The following RFX1 variants were observed in gnomAD, a reference collection of about 807,000 sequenced individuals.
RFX1 encodes regulatory factor X1, also known as MHC class II regulatory factor RFX1.
Under a neutral mutation model 119.6 loss-of-function variants are expected in RFX1, and 42 were observed. The observed-to-expected ratio is 0.35, with a 90% CI of 0.27 to 0.45. The LOEUF (loss-of-function observed/expected upper bound fraction) is 0.45, where lower values mean the gene tolerates loss of function less well. Ranked by LOEUF, RFX1 falls within the 20% of genes least tolerant of loss-of-function variation. The pLI is 1.00. For synonymous variants in RFX1, 628 were observed against 618.5 expected (o/e 1.02, Z -0.23); for missense variants, 1,118 against 1,368.1 (o/e 0.82, Z 2.88).
intron 2 of RFX1, among the ~76,000 whole-genome samples, chr19:13,984,509 T>C (rs779948933): frequency 2.0e-5 from 3 of 152,098 alleles, no homozygotes; most frequent in Non-Finnish European, 4.4e-5. Flanking sequence ...TTCATGCACA[T>C]CTTGCTGAGT....
chr19:13,987,929 C>T (rs1974659636), intron 2 of RFX1, among the ~76,000 whole-genome samples: 1 of 152,124 alleles, frequency 6.6e-6, no homozygotes, highest in Admixed American at 6.5e-5. Flanking sequence ...AGACAGAGGC[C>T]ACCTCCCCAT....
rs1401797290 is a variant in RFX1 at position 13,985,300 on chromosome 19, C to G, written c.320-1705G>C. Among the ~76,000 whole-genome samples, 1 of 152,096 alleles carries G rather than the reference C, an allele frequency of 6.6e-6. No individual in the cohort carries two copies. The highest frequency in any genetic ancestry group is 2.4e-5 in the African/African-American group (1 of 41,400). On this transcript the variant is annotated intron_variant, in intron 2 of 20. Transcript: ENST00000254325. This position sits in a 1 kb window ranked among gnomAD's most constrained non-coding sequence, Gnocchi z 4.3. Reference sequence around the variant, plus strand: ...CAAGTGATTCTCCTGCCTCAACCCACTGAGTAGCTAGGACTGCAGGCACCC... The same window carrying G: ...CAAGTGATTCTCCTGCCTCAACCCAGTGAGTAGCTAGGACTGCAGGCACCC...
At position 13,973,084 on chromosome 19, in the gene RFX1, G is replaced by C. The variant is rs367733057; in HGVS notation, c.973C>G (p.Gln325Glu). 4.9e-5 allele frequency: 79 copies of C among 1,601,088 alleles called. No individual in the cohort carries two copies. Among genetic ancestry groups the C allele is most frequent in the Non-Finnish European group, 3.1e-5 (36 of 1,179,882 alleles). ...TCGTAGTAGCTGGTGCTTGCCGTCT[G>C]CGTGTACAGCGGCGTCTCGGGATAG... ...YSYPETPLYT[Q>E]TASTSYYEAA... The change falls in exon 9 of 21, where the codon CAG becomes GAG. Residue 325 changes from glutamine (Q) to glutamate (E), a missense_variant. Coordinates refer to ENST00000254325, the MANE Select transcript of RFX1 (RefSeq NM_002918.5).
chr19:14,006,533 C>T (rs1975388264), upstream of RFX1: 1 of 152,468 alleles, frequency 6.6e-6, no homozygotes, highest in Non-Finnish European at 1.5e-5. Context: ...CCGGGCCCGT[C>T]ACTCCGGCAG....
rs757974368 is a variant in RFX1, at chr19:13,966,588, G to T, written c.1851+45C>A. 1 of 1,537,056 alleles carries T rather than the reference G, an allele frequency of 6.5e-7. No individual in the cohort carries two copies. The highest frequency in any genetic ancestry group is 1.4e-5 in the African/African-American group (1 of 72,978). Reference sequence around the variant, plus strand: ...GGGGCAGCATGGCCCTCCCATGCCCGTGGCTGCGTCCCCGTCCACTTGCCT... The same window carrying T: ...GGGGCAGCATGGCCCTCCCATGCCCTTGGCTGCGTCCCCGTCCACTTGCCT... On this transcript the variant is annotated intron_variant, in intron 13 of 20. Transcript: ENST00000254325. The surrounding 1 kb of genome is among the most constrained non-coding windows in gnomAD (Gnocchi z 6.3).
chr19:13,968,964 A>G lies in RFX1; in HGVS notation c.1497-70T>C. On this transcript the variant is annotated intron_variant, in intron 10 of 20. Transcript: ENST00000254325. The surrounding 1 kb of genome is among the most constrained non-coding windows in gnomAD (Gnocchi z 5.5). ...GCTGGCCGGCCATGGAGCACCTCAC[A>G]GCACACCCGTCTCCTCTCTGTTAGG... 14 of 1,491,058 alleles carry G rather than the reference A, an allele frequency of 9.4e-6. No individual in the cohort carries two copies. Among genetic ancestry groups the G allele is most frequent in the Non-Finnish European group, 1.3e-5 (14 of 1,110,186 alleles). The allele number at this position is 1,491,058 out of a possible 1,614,324, so 92.4% of individuals were successfully genotyped here. A position where few individuals can be genotyped will look rare whatever the true frequency, so the allele number is the denominator to read the frequency against.
intron 8 of RFX1, among the ~76,000 whole-genome samples, chr19:13,974,957 T>A (rs1303911387): frequency 7.0e-6 from 1 of 143,864 alleles, no homozygotes; most frequent in Non-Finnish European, 1.5e-5. Context: ...GGCAGGAGGA[T>A]CACTTGAACC....
chr19:13,986,109 C>T lies in RFX1; in HGVS notation c.320-2514G>A, dbSNP rs947830691. ...GAGAGGGCCCCTCCTGGGAGAAACC[C>T]GAGACAGCCCCGAGTCATGTGACCG... On this transcript the variant is annotated intron_variant, in intron 2 of 20. Transcript: ENST00000254325. This position sits in a 1 kb window ranked among gnomAD's most constrained non-coding sequence, Gnocchi z 4.2. Among the ~76,000 whole-genome samples, 4 of 152,168 alleles carry T rather than the reference C, an allele frequency of 2.6e-5. No homozygotes were observed. Among genetic ancestry groups the T allele is most frequent in the East Asian group, 1.9e-4 (1 of 5,192 alleles).
Position 13,993,520 on chromosome 19 carries a change from C to A in RFX1, c.319+5G>T. ...GTTTTCAGGACACACGAGCGCGGCA[C>A]TTACCAGAGACAGTGACCACGATGT... On this transcript the variant is annotated splice_donor_5th_base_variant and intron_variant, in intron 2 of 20. Transcript: ENST00000254325. 1 of 1,610,210 alleles carries A rather than the reference C, an allele frequency of 6.2e-7. No individual in the cohort carries two copies. Among genetic ancestry groups the A allele is most frequent in the Non-Finnish European group, 8.5e-7 (1 of 1,178,090 alleles).
intron 2 of RFX1, among the ~76,000 whole-genome samples, chr19:13,987,377 G>A (rs1599504111): frequency 6.6e-6 from 1 of 152,138 alleles, no homozygotes; most frequent in Admixed American, 6.5e-5. Context: ...GGTGAGCTGT[G>A]TCTGGTTTGG....
At chr19:13,978,131 T>C in intron 7 of RFX1, 45 bp from the exon 8 acceptor site, 1 of 1,431,958 alleles carries the variant, frequency 7.0e-7, no homozygotes, top group South Asian at 1.2e-5. Flanking sequence ...GTGGGCCAGC[T>C]CCTACGGTTC....
intron 1 of RFX1, among the ~76,000 whole-genome samples, chr19:13,994,889 CATACATATATATATATATATATAT>C (rs1568481295): frequency 1.6e-5 from 1 of 64,070 alleles, no homozygotes; most frequent in Non-Finnish European, 2.8e-5. Flanking sequence ...TTGAAATATA[CATACATATATATATATATATATAT>C]ATATATATAT....
rs1974383270 is a variant in RFX1 at position 13,980,208 on chromosome 19, G to T, written c.738+365C>A. 6.6e-6 allele frequency among the ~76,000 whole-genome samples: 1 copy of T among 152,082 alleles called. No homozygotes were observed. On this transcript the variant is annotated intron_variant, in intron 6 of 20. Coordinates refer to ENST00000254325, the MANE Select transcript of RFX1 (RefSeq NM_002918.5). This position sits in a 1 kb window ranked among gnomAD's most constrained non-coding sequence, Gnocchi z 5.1. Reference sequence around the variant, plus strand: ...TCCTGCAGAGGCTGGGTGTGGATTTGGGGGCTGGGTCCCCTCCCTGAAATC... The same window carrying T: ...TCCTGCAGAGGCTGGGTGTGGATTTTGGGGCTGGGTCCCCTCCCTGAAATC...
At chr19:13,981,980 G>A in intron 5 of RFX1, 141 bp downstream of exon 5, 3 of 388,674 alleles carry the variant, frequency 7.7e-6, no homozygotes. Flanking sequence ...GCGTTGCACT[G>A]GGAGTGAAGA....
At chr19:13,993,443 GCCCTGTGCCTTCACAC>G in intron 2 of RFX1, 66 bp downstream of exon 2, 1 of 1,374,678 alleles carries the variant, frequency 7.3e-7, no homozygotes, top group Non-Finnish European at 1.0e-6. Flanking sequence ...GGGCATGGCA[GCCCTGTGCCTTCACAC>G]CCAGGGTCTA....
intron 1 of RFX1, among the ~76,000 whole-genome samples, chr19:14,004,098 C>T (rs1439839081): frequency 6.6e-6 from 1 of 152,080 alleles, no homozygotes; most frequent in African/African-American, 2.4e-5. Context: ...CAGGGTTTCA[C>T]CATGTTGGCC....
At position 13,990,676 on chromosome 19, in the gene RFX1, G is replaced by A. The variant is rs1974771173; in HGVS notation, c.319+2849C>T. ...ACTAAAAATACAAAAAATTAGCCAG[G>A]CATGGTGGCGGGCACCTATAGTCCC... On this transcript the variant is annotated intron_variant, in intron 2 of 20. Coordinates refer to ENST00000254325, the MANE Select transcript of RFX1 (RefSeq NM_002918.5). This position sits in a 1 kb window ranked among gnomAD's most constrained non-coding sequence, Gnocchi z 4.1. Among the ~76,000 whole-genome samples the A allele has an allele frequency of 6.6e-6, 1 of 152,180 alleles. No individual in the cohort carries two copies. Among genetic ancestry groups the A allele is most frequent in the African/African-American group, 2.4e-5 (1 of 41,434 alleles).
rs1183900054 is a variant in RFX1, at chr19:13,963,523, C to T, written c.2570+15G>A. ...TCCCTGGTGCCGCCCGGACCCGATCCCGCCGCGCGCGCACCTGTAGAAGGA... is the reference window on the plus strand; with the variant it reads ...TCCCTGGTGCCGCCCGGACCCGATCTCGCCGCGCGCGCACCTGTAGAAGGA... On this transcript the variant is annotated intron_variant, in intron 18 of 20. Transcript: ENST00000254325. The T allele has an allele frequency of 3.8e-6, 6 of 1,594,646 alleles. No homozygotes were observed. The highest frequency in any genetic ancestry group is 4.3e-6 in the Non-Finnish European group (5 of 1,175,478).
Position 13,963,658 on chromosome 19 carries a change from G to A in RFX1, c.2450C>T (p.Ser817Leu). The A allele has an allele frequency of 6.2e-7, 1 of 1,602,916 alleles. No individual in the cohort carries two copies. The highest frequency in any genetic ancestry group is 8.5e-7 in the Non-Finnish European group (1 of 1,177,520). ...DFKVTLQQQN[S>L]LEQWAAWLDG... Reference sequence around the variant, plus strand: ...CAGCCAGGCCGCCCACTGCTCCAGCGAGTTCTGCTGCTGCAGCGTCACCTT... The same window carrying A: ...CAGCCAGGCCGCCCACTGCTCCAGCAAGTTCTGCTGCTGCAGCGTCACCTT... Residue 817 changes from serine to leucine, a missense_variant, in exon 18 of 21, where the codon TCG (serine) becomes TTG (leucine). Coordinates refer to ENST00000254325, the MANE Select transcript of RFX1 (RefSeq NM_002918.5).
Sources: gnomAD v4.1 joint callset for allele counts (sites outside exome capture counted in the v4.1 genomes callset) on GRCh38, gnomAD v4.1.1 for gene constraint, Gnocchi (gnomAD v3.1) non-coding constraint, MANE v1.5 for transcripts, NCBI Gene and HGNC (gene_info 2026-07-23, HGNC 2026-07-21) for gene names.